Variants in ATP6V1C2 observed in about 807,000 individuals in gnomAD.
ATP6V1C2 encodes V-type proton ATPase subunit C 2.
ATP6V1C2 carries 45 observed loss-of-function variants against 56.8 expected under a neutral mutation model. The ratio of observed to expected loss-of-function variants is 0.79; its 90% CI spans 0.62 to 1.02. The LOEUF (loss-of-function observed/expected upper bound fraction) is 1.02, where lower values mean the gene tolerates loss of function less well. Among genes scored for constraint, ATP6V1C2 ranks in the 50% least tolerant of loss-of-function variants. The probability of loss-of-function intolerance (pLI) is 0.00; values close to 1 mark genes in which losing one functional copy is unlikely to be tolerated. For synonymous variants in ATP6V1C2, 220 were observed against 201.3 expected (o/e 1.09, Z -0.79); for missense variants, 463 against 519.7 (o/e 0.89, Z 1.06).
intron 8 of ATP6V1C2, among the ~76,000 whole-genome samples, chr2:10,773,195 A>C (rs1212841096): frequency 1.3e-5 from 2 of 152,106 alleles, no homozygotes; most frequent in African/African-American, 4.8e-5. Flanking sequence ...GAGGGTCTGA[A>C]ATGGATGTGA....
At chr2:10,771,703 TCTC>T (rs1345926426) in intron 6 of ATP6V1C2, 133 bp from the exon 7 acceptor site, 1 of 711,166 alleles carries the variant, frequency 1.4e-6, no homozygotes, top group Non-Finnish European at 2.5e-6. Flanking sequence ...ATTGCTGTGT[TCTC>T]CTAGGCTCCA....
At position 10,785,026 on chromosome 2, in the gene ATP6V1C2, G is replaced by C; in HGVS notation, c.*1763G>C. The C allele has an allele frequency of 2.5e-6, 4 of 1,572,102 alleles. No homozygotes were observed. The South Asian group carries it at 4.7e-5, about 18-fold the overall frequency. ...GCCGTGGAGCCACGCCCAAAAGAGA[G>C]CTCCCTTAGGGAAAAATGACCAAAA... On this transcript the variant is annotated 3_prime_UTR_variant, in exon 14 of 14. Coordinates refer to ENST00000272238, the MANE Select transcript of ATP6V1C2 (RefSeq NM_001039362.2).
rs1051081302 is a variant in ATP6V1C2, at chr2:10,763,047, A to T, written c.284-1284A>T. 2.0e-5 allele frequency among the ~76,000 whole-genome samples: 3 copies of T among 152,072 alleles called. No individual in the cohort carries two copies. The highest frequency in any genetic ancestry group is 7.2e-5 in the African/African-American group (3 of 41,394). On this transcript the variant is annotated intron_variant, in intron 4 of 13. Coordinates refer to ENST00000272238, the MANE Select transcript of ATP6V1C2 (RefSeq NM_001039362.2). The surrounding 1 kb of genome is among the most constrained non-coding windows in gnomAD (Gnocchi z 4.2). ...CTGCTGTTGGGGTTGGAGGAATCTC[A>T]GTCCAATTCCCGTGCTAGGGGCTGA...
At chr2:10,738,607 C>T (rs1037705564) in intron 3 of ATP6V1C2, among the ~76,000 whole-genome samples, 1 of 152,206 alleles carries the variant, frequency 6.6e-6, no homozygotes, top group African/African-American at 2.4e-5. Context: ...GTGCTCATCG[C>T]AGCCCCAGTA....
At chr2:10,782,438 G>T (rs1665422740) in intron 13 of ATP6V1C2, 63 bp downstream of exon 13, 2 of 1,569,472 alleles carry the variant, frequency 1.3e-6, no homozygotes, top group Non-Finnish European at 1.7e-6. Context: ...CAAAAAACTG[G>T]TATCTGCCTG....
intron 8 of ATP6V1C2, among the ~76,000 whole-genome samples, chr2:10,773,145 G>A (rs1165598418): frequency 4.6e-5 from 7 of 152,232 alleles, no homozygotes; most frequent in Admixed American, 2.6e-4. Context: ...GGCCCTGTGT[G>A]TCAGGAGGGA....
chr2:10,754,033 G>A lies in ATP6V1C2; in HGVS notation c.250G>A (p.Gly84Arg). ...GGTGGAAGTCATGGAGGACTCAAAG[G>A]GGAAGGTCCAGGAGCACCTCCTGGC... ...SVVEVMEDSK[G>R]KVQEHLLANG... The change falls in exon 4 of 14, where the codon GGG becomes AGG. Residue 84 changes from glycine (G) to arginine (R), a missense_variant. Physicochemically the swap from Gly to Arg is moderately radical, Grantham distance 125 (BLOSUM62 -2). Transcript: ENST00000272238. 18 of 1,607,774 alleles carry A rather than the reference G, an allele frequency of 1.1e-5. No individual in the cohort carries two copies. Among genetic ancestry groups the A allele is most frequent in the Non-Finnish European group, 1.3e-5 (15 of 1,176,556 alleles).
rs554484796 is a variant in ATP6V1C2, at chr2:10,736,038, C to T, written c.197+9469C>T. Among the ~76,000 whole-genome samples, 23 of 152,302 alleles carry T rather than the reference C, an allele frequency of 1.5e-4. No individual in the cohort carries two copies. In the South Asian group the frequency reaches 4.4e-3, roughly 29 times the overall value. ...TACTAAGGCTGAACACGTTAACTCA[C>T]GGCTCTCAAACTTGAGTATGCATCA... On this transcript the variant is annotated intron_variant, in intron 3 of 13. Coordinates refer to ENST00000272238, the MANE Select transcript of ATP6V1C2 (RefSeq NM_001039362.2).
At chr2:10,743,180 A>G (rs546028360) in intron 3 of ATP6V1C2, among the ~76,000 whole-genome samples, 24 of 152,076 alleles carry the variant, frequency 1.6e-4, no homozygotes, top group Admixed American at 1.4e-3. Flanking sequence ...GCAGTGATTC[A>G]ATCACTCCTC....
chr2:10,743,018 T>C (rs1255786765), intron 3 of ATP6V1C2, among the ~76,000 whole-genome samples: 1 of 152,216 alleles, frequency 6.6e-6, no homozygotes, highest in Admixed American at 6.5e-5. Context: ...CCCTTGGGGA[T>C]TCCCCAGATG....
chr2:10,730,652 CCT>C (rs1491448343), intron 3 of ATP6V1C2, among the ~76,000 whole-genome samples: 21 of 95,710 alleles, frequency 2.2e-4, no homozygotes, highest in African/African-American at 7.7e-4. Flanking sequence ...CAGGTGTAAA[CCT>C]TTTTTTTTTT....
At chr2:10,754,609 G>A (rs61642673) in intron 4 of ATP6V1C2, among the ~76,000 whole-genome samples, 28,483 of 148,322 alleles carry the variant, frequency 0.19, 3,168 homozygotes, top group East Asian at 0.39. Context: ...AGTCTCGCTT[G>A]TCACCCAGGA....
At chr2:10,753,886 G>A in intron 3 of ATP6V1C2, 95 bp from the exon 4 acceptor site, 1 of 1,143,296 alleles carries the variant, frequency 8.7e-7, no homozygotes, top group South Asian at 1.3e-5. Flanking sequence ...TTCCCCCAAA[G>A]GGTGTCACCA....
At chr2:10,747,265 T>A (rs1572540612) in intron 3 of ATP6V1C2, among the ~76,000 whole-genome samples, 2 of 152,138 alleles carry the variant, frequency 1.3e-5, no homozygotes, top group Middle Eastern at 3.2e-3. Flanking sequence ...TGAAACTCAG[T>A]CTCAAAAAAA....
At chr2:10,772,399 T>C in intron 7 of ATP6V1C2, 143 bp from the exon 8 acceptor site, 1 of 748,222 alleles carries the variant, frequency 1.3e-6, no homozygotes, top group Non-Finnish European at 2.4e-6. Context: ...ACAGCAGACC[T>C]CAGGGGAGGT....
Position 10,763,720 on chromosome 2 carries a change from A to T in ATP6V1C2, c.284-611A>T, listed in dbSNP as rs1664058869. On this transcript the variant is annotated intron_variant, in intron 4 of 13. Coordinates refer to ENST00000272238, the MANE Select transcript of ATP6V1C2 (RefSeq NM_001039362.2). This position sits in a 1 kb window ranked among gnomAD's most constrained non-coding sequence, Gnocchi z 4.2. ...GCTGGCCCAGGTAGCTCTCTTCAAG[A>T]GTGTGGAGAACTAACCTGAAGAGAG... Among the ~76,000 whole-genome samples the T allele has an allele frequency of 6.6e-6, 1 of 152,076 alleles. No homozygotes were observed. Among genetic ancestry groups the T allele is most frequent in the East Asian group, 1.9e-4 (1 of 5,182 alleles).
chr2:10,723,572 C>G (rs1360794205), intron 2 of ATP6V1C2, among the ~76,000 whole-genome samples: 1 of 151,910 alleles, frequency 6.6e-6, no homozygotes, highest in Non-Finnish European at 1.5e-5. Context: ...GGCGCGGTGG[C>G]TCACGCCTGT....
intron 5 of ATP6V1C2, among the ~76,000 whole-genome samples, 175 bp from the exon 6 acceptor site, chr2:10,768,544 G>A (rs1664377341): frequency 6.6e-6 from 1 of 152,234 alleles, no homozygotes; most frequent in Admixed American, 6.5e-5. Flanking sequence ...GCGCCTGGGT[G>A]CCACACAGGG....
chr2:10,764,468 C>T (rs752535361), intron 5 of ATP6V1C2, 43 bp downstream of exon 5: 12 of 1,567,466 alleles, frequency 7.7e-6, no homozygotes, highest in Non-Finnish European at 1.1e-5. Flanking sequence ...ACTGGTGGGT[C>T]AGGCGGGCAA....
Sources: allele counts gnomAD v4.1 joint callset (sites outside exome capture counted in the v4.1 genomes callset), GRCh38; gene constraint gnomAD v4.1.1; non-coding constraint Gnocchi (gnomAD v3.1); transcripts MANE v1.5; gene names NCBI Gene and HGNC (gene_info 2026-07-23, HGNC 2026-07-21).